Variants in IQSEC1 observed in about 807,000 individuals in gnomAD.
IQSEC1 encodes the protein IQ motif and SEC7 domain-containing protein 1.
A neutral mutation model predicts 91.0 loss-of-function variants in IQSEC1; 31 were observed. The ratio of observed to expected loss-of-function variants is 0.34; its 90% CI spans 0.26 to 0.46. The LOEUF (loss-of-function observed/expected upper bound fraction) is 0.46. Ranked by LOEUF, IQSEC1 falls within the 20% of genes least tolerant of loss-of-function variation. The pLI is 1.00. For missense variants in IQSEC1, 1,388 were observed against 1,575.6 expected (o/e 0.88, Z 2.02); for synonymous variants, 699 against 662.6 (o/e 1.05, Z -0.84).
In IQSEC1 at chr3:12,900,343, C is replaced by A. The variant is rs1414636508; in HGVS notation, c.*640G>T. The A allele has an allele frequency of 1.0e-6, 1 of 984,730 alleles. No individual in the cohort carries two copies. The highest frequency in any genetic ancestry group is 1.2e-6 in the Non-Finnish European group (1 of 829,702). 61.0% of individuals were successfully genotyped at this position (984,730 alleles called of 1,614,324 possible). A position where few individuals can be genotyped will look rare whatever the true frequency, so the allele number is the denominator to read the frequency against. ...GGGTTTGGTCTATTGTCTCACACAC[C>A]CAGCTAAGGTACTGTCTTCCTATTA... is the stretch of plus-strand genomic sequence containing the variant. On this transcript the variant is annotated 3_prime_UTR_variant, in exon 14 of 14. Coordinates refer to ENST00000613206, the MANE Select transcript of IQSEC1 (RefSeq NM_001134382.3).
chr3:13,074,077 A>C (rs1705520684), upstream of IQSEC1, among the ~76,000 whole-genome samples: 1 of 152,214 alleles, frequency 6.6e-6, no homozygotes, highest in African/African-American at 2.4e-5. Flanking sequence ...TTTACAGTCT[A>C]AGGGGAAGCC....
chr3:13,067,258 G>T (rs1011543854), intron 1 of IQSEC1, among the ~76,000 whole-genome samples: 1 of 152,334 alleles, frequency 6.6e-6, no homozygotes, highest in African/African-American at 2.4e-5. Flanking sequence ...TGGAAAGAGC[G>T]GGAAGGGCAG....
chr3:12,923,380 C>T lies in IQSEC1; in HGVS notation c.1731-1138G>A, dbSNP rs1049909878. Among the ~76,000 whole-genome samples the T allele has an allele frequency of 1.4e-4, 22 of 152,274 alleles. No individual in the cohort carries two copies. In the South Asian group the frequency reaches 1.4e-3, roughly 10 times the overall value. On this transcript the variant is annotated intron_variant, in intron 4 of 13. Transcript: ENST00000613206. ...GGGCTTTCCCCTGGACCTTTCCTCA[C>T]GCCTGCTTCAAAGAGGGGAGGGGGC...
intron 1 of IQSEC1, among the ~76,000 whole-genome samples, chr3:12,984,847 C>T (rs865808232): frequency 8.2e-5 from 8 of 97,394 alleles, no homozygotes; most frequent in South Asian, 7.3e-4. Flanking sequence ...TTTTTTGAGA[C>T]GGAGTCTCAC....
intron 1 of IQSEC1, among the ~76,000 whole-genome samples, chr3:12,984,580 G>C (rs1250301106): frequency 6.6e-6 from 1 of 152,084 alleles, no homozygotes; most frequent in East Asian, 1.9e-4. Context: ...CTCCTTTCAG[G>C]GGGCTGGGAA....
intron 3 of IQSEC1, among the ~76,000 whole-genome samples, chr3:12,927,526 G>A (rs1697266663): frequency 6.6e-6 from 1 of 151,976 alleles, no homozygotes; most frequent in African/African-American, 2.4e-5. Context: ...GCCCAGCCGG[G>A]TCCCGCCTTC....
At chr3:13,220,623 C>T (rs1694639280) in intron 1 of IQSEC1, among the ~76,000 whole-genome samples, 1 of 152,230 alleles carries the variant, frequency 6.6e-6, no homozygotes, top group South Asian at 2.1e-4. Context: ...AGGTCAGCCT[C>T]ACGGCCATCG....
rs141888649 is a variant in IQSEC1, at chr3:13,219,873, A to C, written c.273-55740T>G. Reference sequence around the variant, plus strand: ...GCTGGTGGCTTATTTCCTTAATGCCACTGCTGCCCACAATATCCAGAGAGT... The same window carrying C: ...GCTGGTGGCTTATTTCCTTAATGCCCCTGCTGCCCACAATATCCAGAGAGT... On this transcript the variant is annotated intron_variant, in intron 1 of 15. Coordinates refer to the IQSEC1 transcript ENST00000648114. Among the ~76,000 whole-genome samples, 550 of 152,326 alleles carry C rather than the reference A, an allele frequency of 3.6e-3. 5 individuals are homozygous for C. Among genetic ancestry groups the C allele is most frequent in the African/African-American group, 0.013 (523 of 41,580 alleles).
chr3:12,911,580 G>C (rs368233860), intron 10 of IQSEC1, 49 bp downstream of exon 10: 8 of 1,390,718 alleles, frequency 5.8e-6, no homozygotes, highest in Non-Finnish European at 5.1e-6. Flanking sequence ...GAGAAAGAGC[G>C]TAAGCTGGGA....
chr3:12,948,580 G>A (rs1355131112), intron 1 of IQSEC1, among the ~76,000 whole-genome samples: 1 of 152,184 alleles, frequency 6.6e-6, no homozygotes, highest in African/African-American at 2.4e-5. Context: ...TCTCAGCCAC[G>A]GATGTCTCTA....
Position 13,214,010 on chromosome 3 carries a change from C to T in IQSEC1, c.273-49877G>A, listed in dbSNP as rs749218280. On this transcript the variant is annotated intron_variant, in intron 1 of 15. Coordinates refer to the IQSEC1 transcript ENST00000648114. The surrounding 1 kb of genome is among the most constrained non-coding windows in gnomAD (Gnocchi z 4.5). ...TGGACCCATCGCTCTCCCCCGGGCT[C>T]TTCCTGGTCCCTCCCCGCCACCCGG... 2.0e-5 allele frequency among the ~76,000 whole-genome samples: 3 copies of T among 152,144 alleles called. No homozygotes were observed. The highest frequency in any genetic ancestry group is 2.9e-5 in the Non-Finnish European group (2 of 68,028).
intron 1 of IQSEC1, among the ~76,000 whole-genome samples, chr3:12,998,875 G>C (rs528342260): frequency 3.3e-4 from 50 of 152,176 alleles, no homozygotes; most frequent in African/African-American, 1.2e-3. Flanking sequence ...GGGTCGGGGG[G>C]CAGGATCAAG....
Position 12,936,590 on chromosome 3 carries a change from G to A in IQSEC1, c.426C>T (p.Arg142=). 1 of 1,613,216 alleles carries A rather than the reference G, an allele frequency of 6.2e-7. No individual in the cohort carries two copies. Among genetic ancestry groups the A allele is most frequent in the Non-Finnish European group, 8.5e-7 (1 of 1,180,020 alleles). Residue 142 remains arginine, a synonymous_variant, in exon 3 of 14, where the codon CGC becomes CGT. Transcript: ENST00000613206. The stretch of plus-strand genomic sequence containing the variant: ...GGTTCTCTGACATGGAGCTGCGCAA[G>A]CGCTCGAAGTTCTTGTTCATCTGGT... The part of the protein sequence containing the change: ...RQYQMNKNFE[R]LRSSMSENRM...
intron 2 of IQSEC1, among the ~76,000 whole-genome samples, chr3:13,142,055 C>T (rs977454030): frequency 6.6e-6 from 1 of 152,200 alleles, no homozygotes; most frequent in Non-Finnish European, 1.5e-5. Context: ...TTGTCAGCCA[C>T]GAAGAGGAAA....
chr3:12,976,129 T>C (rs1159935583), intron 1 of IQSEC1, among the ~76,000 whole-genome samples: 1 of 152,246 alleles, frequency 6.6e-6, no homozygotes, highest in African/African-American at 2.4e-5. Flanking sequence ...GTGCTCTGCT[T>C]ACACCCAGCC....
chr3:13,129,655 A>ATTTTTTT (rs35069619), intron 2 of IQSEC1, among the ~76,000 whole-genome samples: 3 of 118,342 alleles, frequency 2.5e-5, no homozygotes, highest in Non-Finnish European at 5.0e-5. Context: ...CATCTTATGA[A>ATTTTTTT]TTTTTTTTTT....
At chr3:12,977,297 A>G (rs1283200824) in intron 1 of IQSEC1, among the ~76,000 whole-genome samples, 1 of 151,842 alleles carries the variant, frequency 6.6e-6, no homozygotes, top group Non-Finnish European at 1.5e-5. Context: ...GCAGTGAGCC[A>G]TGATTGCACC....
intron 1 of IQSEC1, among the ~76,000 whole-genome samples, chr3:13,174,740 GA>G (rs1483297153): frequency 6.6e-6 from 1 of 152,090 alleles, no homozygotes; most frequent in Non-Finnish European, 1.5e-5. Context: ...AGATTTTCAG[GA>G]GATGGACAAG....
Position 12,908,023 on chromosome 3 carries a change from C to T in IQSEC1, c.2755+326G>A, listed in dbSNP as rs188369798. ...CACAGAGAGCACGGGACACAGCCGCCGGCTCACTCGGGCTAGAGCGACTTC... is the reference window on the plus strand; with the variant it reads ...CACAGAGAGCACGGGACACAGCCGCTGGCTCACTCGGGCTAGAGCGACTTC... On this transcript the variant is annotated intron_variant, in intron 12 of 13. Transcript: ENST00000613206. The surrounding 1 kb of genome is among the most constrained non-coding windows in gnomAD (Gnocchi z 4.9). Among the ~76,000 whole-genome samples the T allele has an allele frequency of 6.6e-6, 1 of 152,286 alleles. No homozygotes were observed. The highest frequency in any genetic ancestry group is 6.5e-5 in the Admixed American group (1 of 15,296).
Sources: allele counts gnomAD v4.1 joint callset (sites outside exome capture counted in the v4.1 genomes callset), GRCh38; gene constraint gnomAD v4.1.1; non-coding constraint Gnocchi (gnomAD v3.1); transcripts MANE v1.5; gene names NCBI Gene and HGNC (gene_info 2026-07-23, HGNC 2026-07-21).